The following SLC43A2 variants were observed in gnomAD, a reference collection of about 807,000 sequenced individuals.
The protein encoded by SLC43A2 is solute carrier family 43 member 2.
In SLC43A2, 38 loss-of-function variants were observed where a neutral mutation model predicts 63.2. That is an observed-to-expected ratio of 0.60 (90% CI 0.46 to 0.79). The LOEUF is 0.79. SLC43A2 is among the 30% of genes least tolerant of loss of function. SLC43A2 has a pLI of 0.00. For synonymous variants in SLC43A2, 322 were observed against 331.0 expected, an observed-to-expected ratio of 0.97 and a Z score of 0.30; for missense variants, 644 against 756.2, an observed-to-expected ratio of 0.85 and a Z score of 1.74.
chr17:1,618,949 G>C (rs903409306), intron 2 of SLC43A2, among the ~76,000 whole-genome samples: 1 of 152,162 alleles, frequency 6.6e-6, no homozygotes. Flanking sequence ...ACACACCACT[G>C]CACTCCAGCC....
intron 2 of SLC43A2, among the ~76,000 whole-genome samples, chr17:1,619,108 C>T (rs1907931592): frequency 6.6e-6 from 1 of 152,124 alleles, no homozygotes; most frequent in African/African-American, 2.4e-5. Flanking sequence ...AGTTCAAGAC[C>T]AGCCTGGCCA....
rs1598421684 is a variant in SLC43A2 at position 1,570,501 on chromosome 17, T to G, written c.*5103A>C. On this transcript the variant is annotated 3_prime_UTR_variant, in exon 14 of 14. Transcript: ENST00000301335. ...ATGCTACCATTGTTTTTTTTTTTTTTTTTGAGACGGAGTCTCGCTCTGTCG... is the reference window on the plus strand; with the variant it reads ...ATGCTACCATTGTTTTTTTTTTTTTGTTTGAGACGGAGTCTCGCTCTGTCG... The G allele has an allele frequency of 6.6e-6, 1 of 151,278 alleles. No homozygotes were observed. Among genetic ancestry groups the G allele is most frequent in the South Asian group, 2.1e-4 (1 of 4,738 alleles). The allele number at this position is 151,278 out of a possible 1,614,324, so 9.4% of individuals were successfully genotyped here. A position where few individuals can be genotyped will look rare whatever the true frequency, so the allele number is the denominator to read the frequency against.
chr17:1,616,645 G>A lies in SLC43A2; in HGVS notation c.285C>T (p.Gly95=). The change falls in exon 3 of 14, where the codon GGC becomes GGT. Residue 95 remains glycine, a synonymous_variant. Coordinates refer to ENST00000301335, the MANE Select transcript of SLC43A2 (RefSeq NM_152346.3). ...DEMLNLAFTV[G]SFLLSAITLP... is the part of the protein sequence containing the mutation. ...GGGTGATGGCACTGAGCAGAAAGGA[G>A]CCCACAGTGAAGGCCAAATTTAGCA... The A allele has an allele frequency of 1.2e-6, 2 of 1,614,204 alleles. No homozygotes were observed. Among genetic ancestry groups the A allele is most frequent in the Non-Finnish European group, 1.7e-6 (2 of 1,180,036 alleles).
intron 10 of SLC43A2, chr17:1,585,567 G>T: frequency 1.2e-6 from 1 of 823,416 alleles, no homozygotes; most frequent in Non-Finnish European, 1.7e-6. Context: ...TTTTTGTAGA[G>T]ACGGGGAGTG....
At chr17:1,611,031 G>T (rs9906910) in intron 5 of SLC43A2, among the ~76,000 whole-genome samples, 27,442 of 151,686 alleles carry the variant, frequency 0.18, 2,540 homozygotes, top group South Asian at 0.23. Flanking sequence ...TAGTAGAGAC[G>T]GGGTTTCACT....
At chr17:1,586,902 G>A in intron 9 of SLC43A2, 1 of 1,528,502 alleles carries the variant, frequency 6.5e-7, no homozygotes, top group East Asian at 2.5e-5. Context: ...CTGGCTGGGA[G>A]GGGACATCAC....
chr17:1,622,427 T>A (rs1376369184), intron 2 of SLC43A2, among the ~76,000 whole-genome samples: 1 of 151,768 alleles, frequency 6.6e-6, no homozygotes, highest in East Asian at 1.9e-4. Context: ...TAGCCAGGCG[T>A]GGTGGCGGGC....
rs185675248 is a variant in SLC43A2, at chr17:1,596,906, C to A, written c.502-3627G>T. ...AGCCACAATGAGATACCACTTGATA[C>A]CCATTAGGACACCAAAAAGTCACAG... On this transcript the variant is annotated intron_variant, in intron 5 of 13. Transcript: ENST00000301335. Among the ~76,000 whole-genome samples, 326 of 152,276 alleles carry A rather than the reference C, an allele frequency of 2.1e-3. 1 individual carries two copies. The highest frequency in any genetic ancestry group is 7.6e-3 in the African/African-American group (317 of 41,548).
At chr17:1,596,318 CA>C (rs201232016) in intron 5 of SLC43A2, among the ~76,000 whole-genome samples, 11 of 144,348 alleles carry the variant, frequency 7.6e-5, no homozygotes, top group Non-Finnish European at 1.1e-4. Context: ...GACTCCATCT[CA>C]AAAAAAAAAG....
chr17:1,629,631 C>A (rs879932982), upstream of SLC43A2, among the ~76,000 whole-genome samples: 2 of 152,242 alleles, frequency 1.3e-5, no homozygotes, highest in Admixed American at 1.3e-4. Flanking sequence ...TCACGCACTG[C>A]TCGGTCCTCC....
rs1009460570 is a variant in SLC43A2, at chr17:1,578,691, C to T, written c.1351-368G>A. ...TACAGGCCCACGCCACCATGCCCGGCTAATTTTTGTATTTTTTAAGCAGAG... is the reference window on the plus strand; with the variant it reads ...TACAGGCCCACGCCACCATGCCCGGTTAATTTTTGTATTTTTTAAGCAGAG... On this transcript the variant is annotated intron_variant, in intron 11 of 13. Transcript: ENST00000301335. The surrounding 1 kb of genome is among the most constrained non-coding windows in gnomAD (Gnocchi z 6.5). 4 of 201,136 alleles carry T rather than the reference C, an allele frequency of 2.0e-5. No individual in the cohort carries two copies. Among genetic ancestry groups the T allele is most frequent in the African/African-American group, 7.0e-5 (3 of 43,160 alleles). 12.5% of individuals were successfully genotyped at this position (201,136 alleles called of 1,614,324 possible).
chr17:1,576,144 C>T (rs926210379), intron 13 of SLC43A2, among the ~76,000 whole-genome samples: 26 of 138,810 alleles, frequency 1.9e-4, no homozygotes, highest in African/African-American at 6.3e-4. Flanking sequence ...AGTGCAGTGG[C>T]GCAATCTCAG....
At chr17:1,604,748 G>A (rs1003654789) in intron 5 of SLC43A2, 4 of 1,535,672 alleles carry the variant, frequency 2.6e-6, no homozygotes, top group Non-Finnish European at 3.5e-6. Flanking sequence ...ACCTCCTGCT[G>A]TTGCCTTCGG....
At chr17:1,629,059 C>A (rs1189871502), upstream of SLC43A2, among the ~76,000 whole-genome samples, 1 of 152,136 alleles carries the variant, frequency 6.6e-6, no homozygotes, top group Non-Finnish European at 1.5e-5. Flanking sequence ...GGCTTTGCAG[C>A]CTTCAACCCG....
chr17:1,575,205 G>T lies in SLC43A2; in HGVS notation c.*399C>A. The T allele has an allele frequency of 3.1e-6, 1 of 324,278 alleles. No homozygotes were observed. Among genetic ancestry groups the T allele is most frequent in the Non-Finnish European group, 5.9e-6 (1 of 170,914 alleles). 20.1% of individuals were successfully genotyped at this position (324,278 alleles called of 1,614,324 possible). ...AAGCCTTTGTCCTCAGGCAGGTACG[G>T]CTGTGGGCATGCAGCCGAGGGGCAG... is the stretch of plus-strand genomic sequence containing the variant. On this transcript the variant is annotated 3_prime_UTR_variant, in exon 14 of 14. Transcript: ENST00000301335.
chr17:1,596,135 AT>A (rs1905255350), intron 5 of SLC43A2, among the ~76,000 whole-genome samples: 1 of 152,030 alleles, frequency 6.6e-6, no homozygotes, highest in Non-Finnish European at 1.5e-5. Context: ...CCTGGCCAAC[AT>A]GGGGAAACCC....
In SLC43A2 at chr17:1,605,036, C is replaced by A; in HGVS notation, c.501+8159G>T. The A allele has an allele frequency of 7.1e-7, 1 of 1,418,000 alleles. No homozygotes were observed. Among genetic ancestry groups the A allele is most frequent in the Non-Finnish European group, 9.2e-7 (1 of 1,087,862 alleles). The allele number at this position is 1,418,000 out of a possible 1,614,324, so 87.8% of individuals were successfully genotyped here. A position where few individuals can be genotyped will look rare whatever the true frequency, so the allele number is the denominator to read the frequency against. On this transcript the variant is annotated intron_variant, in intron 5 of 13. Coordinates refer to ENST00000301335, the MANE Select transcript of SLC43A2 (RefSeq NM_152346.3). This position sits in a 1 kb window ranked among gnomAD's most constrained non-coding sequence, Gnocchi z 4.9. ...AGGAGGGGAAGGACCAGCTTTGCTG[C>A]CAAGCAGGAAGCCGGAGCTGTTTCC... is the stretch of plus-strand genomic sequence containing the variant.
At chr17:1,588,973 G>T (rs539817378) in intron 9 of SLC43A2, among the ~76,000 whole-genome samples, 1 of 152,320 alleles carries the variant, frequency 6.6e-6, no homozygotes, top group African/African-American at 2.4e-5. Flanking sequence ...CTGCGGAGCC[G>T]CAAAGCTCAC....
At chr17:1,586,367 G>A (rs148548432) in intron 9 of SLC43A2, among the ~76,000 whole-genome samples, 26 of 152,112 alleles carry the variant, frequency 1.7e-4, no homozygotes, top group Non-Finnish European at 2.6e-4. Context: ...CTGTGACGGA[G>A]GCTAAGTGAC....
Sources: gnomAD v4.1 joint callset for allele counts (sites outside exome capture counted in the v4.1 genomes callset) on GRCh38, gnomAD v4.1.1 for gene constraint, Gnocchi (gnomAD v3.1) non-coding constraint, MANE v1.5 for transcripts, NCBI Gene and HGNC (gene_info 2026-07-23, HGNC 2026-07-21) for gene names.